HPSE2: variants seen among roughly 807,000 people sequenced by gnomAD.
HPSE2 encodes the protein heparanase 2 (inactive).
HPSE2 carries 38 observed loss-of-function variants against 60.5 expected under a neutral mutation model. The ratio of observed to expected loss-of-function variants is 0.63; its 90% confidence interval spans 0.48 to 0.82. The LOEUF (loss-of-function observed/expected upper bound fraction) is 0.82, where lower values mean the gene tolerates loss of function less well. Ranked by LOEUF, HPSE2 falls within the 40% of genes least tolerant of loss-of-function variation. The pLI is 0.00. For missense variants in HPSE2, 713 were observed against 740.4 expected (o/e 0.96, Z 0.43); for synonymous variants, 295 against 293.2 (o/e 1.01, Z -0.06).
At chr10:99,030,818 T>C (rs542325895) in intron 3 of HPSE2, among the ~76,000 whole-genome samples, 1 of 152,208 alleles carries the variant, frequency 6.6e-6, no homozygotes, top group Non-Finnish European at 1.5e-5. Flanking sequence ...GACTGAGATC[T>C]AGTCATCTGC....
At chr10:99,202,759 C>T (rs1848618362) in intron 2 of HPSE2, among the ~76,000 whole-genome samples, 1 of 152,142 alleles carries the variant, frequency 6.6e-6, no homozygotes, top group South Asian at 2.1e-4. Flanking sequence ...TCCATTTGAA[C>T]AACTAACCAC....
chr10:98,720,582 T>C (rs1326593468), intron 5 of HPSE2, among the ~76,000 whole-genome samples: 3 of 152,100 alleles, frequency 2.0e-5, no homozygotes, highest in Admixed American at 1.3e-4. Context: ...GCCATAAAAA[T>C]GATCATATAC....
chr10:98,564,219 G>C (rs1944272901), intron 9 of HPSE2, among the ~76,000 whole-genome samples: 1 of 152,178 alleles, frequency 6.6e-6, no homozygotes, highest in Non-Finnish European at 1.5e-5. Context: ...CCAGGAGTAT[G>C]AAGCACAGAG....
chr10:98,814,494 G>A (rs7088816), intron 3 of HPSE2, among the ~76,000 whole-genome samples: 113,324 of 152,060 alleles, frequency 0.75, 42,923 homozygotes, highest in Non-Finnish European at 0.83. Context: ...TTTCAGGACC[G>A]TTTAAAGAGG....
At chr10:99,260,852 C>T in the HPSE2 span, among the ~76,000 whole-genome samples, 22 of 152,148 alleles carry the variant, frequency 1.4e-4, no homozygotes, top group Admixed American at 1.2e-3. Flanking sequence ...CTTGCGACCT[C>T]CATTCCTCCT....
the HPSE2 span, among the ~76,000 whole-genome samples, chr10:99,275,379 G>A: frequency 4.0e-4 from 61 of 152,142 alleles, no homozygotes; most frequent in African/African-American, 1.3e-3. Flanking sequence ...TTCTTGACTC[G>A]TACGTCTTAG....
intron 3 of HPSE2, among the ~76,000 whole-genome samples, chr10:98,884,121 T>C (rs1347164172): frequency 1.3e-5 from 2 of 152,140 alleles, no homozygotes; most frequent in Non-Finnish European, 2.9e-5. Context: ...GCCACAGAAT[T>C]CCCTTAGGCA....
intron 3 of HPSE2, among the ~76,000 whole-genome samples, chr10:98,805,883 A>G (rs2785213): frequency 0.85 from 129,929 of 152,142 alleles, 55,866 homozygotes; most frequent in African/African-American, 0.95. Flanking sequence ...AAACAAACAA[A>G]GGAAAAGTGT....
At chr10:98,901,869 T>A (rs545733814) in intron 3 of HPSE2, among the ~76,000 whole-genome samples, 4 of 152,188 alleles carry the variant, frequency 2.6e-5, no homozygotes, top group African/African-American at 9.6e-5. Flanking sequence ...AAAGAGGTAA[T>A]GCATGTAAAG....
rs113066285 is a variant in HPSE2 at position 98,885,946 on chromosome 10, A to G, written c.611-141890T>C. On this transcript the variant is annotated intron_variant, in intron 3 of 11. Coordinates refer to ENST00000370552, the MANE Select transcript of HPSE2 (RefSeq NM_021828.5). Reference sequence around the variant, plus strand: ...ACAGTATAAAATCTGAAAGGTGTTGAAAGTTTAGATGAAGGGCCAGCTATT... The same window carrying G: ...ACAGTATAAAATCTGAAAGGTGTTGGAAGTTTAGATGAAGGGCCAGCTATT... Among the ~76,000 whole-genome samples the G allele has an allele frequency of 5.8e-3, 887 of 152,216 alleles. 9 individuals are homozygous for G. Among genetic ancestry groups the G allele is most frequent in the African/African-American group, 0.02 (848 of 41,560 alleles).
At chr10:99,131,782 C>T (rs972282396) in intron 3 of HPSE2, among the ~76,000 whole-genome samples, 4 of 152,066 alleles carry the variant, frequency 2.6e-5, no homozygotes, top group Admixed American at 6.6e-5. Context: ...TTACAGTGTA[C>T]ACTGCTTGGG....
At chr10:98,707,427 T>C (rs964051563) in intron 5 of HPSE2, among the ~76,000 whole-genome samples, 11 of 152,222 alleles carry the variant, frequency 7.2e-5, no homozygotes, top group Non-Finnish European at 1.2e-4. Flanking sequence ...TGGTCCTTCA[T>C]GACACTATAA....
intron 4 of HPSE2, among the ~76,000 whole-genome samples, chr10:98,722,219 G>C (rs565688846): frequency 6.7e-6 from 1 of 148,462 alleles, no homozygotes; most frequent in East Asian, 2.0e-4. Context: ...GGTCATACTA[G>C]ATTACAGTGG....
intron 3 of HPSE2, among the ~76,000 whole-genome samples, chr10:98,889,199 CTTTA>C (rs139951401): frequency 0.79 from 118,935 of 150,668 alleles, 47,250 homozygotes; most frequent in South Asian, 0.84. Context: ...GTTTTTTAAA[CTTTA>C]TTTATTTATT....
At chr10:98,532,411 C>T (rs1049574064) in intron 9 of HPSE2, among the ~76,000 whole-genome samples, 8 of 152,156 alleles carry the variant, frequency 5.3e-5, no homozygotes, top group Admixed American at 3.9e-4. Context: ...GCCTCTGCTT[C>T]GTGATCTTGG....
intron 2 of HPSE2, among the ~76,000 whole-genome samples, chr10:99,163,539 T>C (rs886524483): frequency 3.3e-5 from 5 of 152,174 alleles, no homozygotes; most frequent in African/African-American, 9.7e-5. Flanking sequence ...AAAACATACA[T>C]TGGTTTATAT....
At chr10:99,025,296 C>A (rs1589535896) in intron 3 of HPSE2, among the ~76,000 whole-genome samples, 1 of 152,066 alleles carries the variant, frequency 6.6e-6, no homozygotes. Flanking sequence ...TGTGACAATT[C>A]CTCAAAGAGC....
chr10:98,843,909 T>C (rs1451510551), intron 3 of HPSE2, among the ~76,000 whole-genome samples: 1 of 152,220 alleles, frequency 6.6e-6, no homozygotes, highest in East Asian at 1.9e-4. Context: ...TTAAAAAAAC[T>C]TTTAAGAAAC....
intron 2 of HPSE2, among the ~76,000 whole-genome samples, chr10:99,216,987 A>G (rs1162174465): frequency 6.6e-6 from 1 of 152,152 alleles, no homozygotes; most frequent in Non-Finnish European, 1.5e-5. Flanking sequence ...ATTCTCAAGA[A>G]TAGAAAAATA....
Sources: gnomAD v4.1 joint callset for allele counts (sites outside exome capture counted in the v4.1 genomes callset) on GRCh38, gnomAD v4.1.1 for gene constraint, MANE v1.5 for transcripts, NCBI Gene and HGNC (gene_info 2026-07-23, HGNC 2026-07-21) for gene names.